Variants in ERG observed in about 807,000 individuals in gnomAD.
The protein encoded by ERG is transcriptional regulator ERG.
ERG carries 9 observed loss-of-function variants against 55.3 expected under a neutral mutation model. The ratio of observed to expected loss-of-function variants is 0.16; its 90% confidence interval spans 0.10 to 0.28. ERG has a LOEUF of 0.28. Ranked by LOEUF, ERG falls within the 10% of genes least tolerant of loss-of-function variation. The pLI, the probability that ERG is intolerant of heterozygous loss-of-function variation, is 1.00. For missense variants in ERG, 434 were observed against 631.6 expected, an observed-to-expected ratio of 0.69 and a Z score of 3.35; for synonymous variants, 223 against 237.3, an observed-to-expected ratio of 0.94 and a Z score of 0.55.
chr21:38,383,471 C>T lies in ERG; in HGVS notation c.1372G>A (p.Gly458Arg), dbSNP rs1281094910. The T allele has an allele frequency of 6.5e-7, 1 of 1,534,736 alleles. No individual in the cohort carries two copies. The highest frequency in any genetic ancestry group is 1.4e-5 in the African/African-American group (1 of 72,456). The change falls in exon 10 of 10, where the codon GGG becomes AGG. Residue 458 changes from glycine to arginine, a missense_variant. Gly to Arg is a moderately radical substitution (Grantham distance 125). This residue lies in a region of ERG where 107 missense variants were observed against 126.8 expected (regional missense o/e 0.84). Transcript: ENST00000288319. This position sits in a 1 kb window ranked among gnomAD's most constrained non-coding sequence, Gnocchi z 5.7. ...AGCCTAGTGTTGGGGTATATACCCC[C>T]AGTTGGTGAATTCCAGTATGGGTTT... ...APNPYWNSPT[G>R]GIYPNTRLPT...
At chr21:38,641,244 G>A (rs1379824180) in intron 1 of ERG, among the ~76,000 whole-genome samples, 4 of 152,152 alleles carry the variant, frequency 2.6e-5, no homozygotes, top group Non-Finnish European at 5.9e-5. Flanking sequence ...CTTCATGAAT[G>A]GGATCAATGC....
intron 1 of ERG, among the ~76,000 whole-genome samples, chr21:38,621,058 TA>T (rs1195271199): frequency 1.3e-5 from 2 of 152,202 alleles, no homozygotes; most frequent in Non-Finnish European, 2.9e-5. Flanking sequence ...AGACGTCAAG[TA>T]AAATTTTGGA....
intron 2 of ERG, among the ~76,000 whole-genome samples, chr21:38,443,098 C>A (rs1035760959): frequency 1.3e-5 from 2 of 152,212 alleles, no homozygotes; most frequent in African/African-American, 4.8e-5. Context: ...TGAGCCACTG[C>A]GCCCGGCCAG....
At chr21:38,425,651 C>T (rs184943856) in intron 2 of ERG, among the ~76,000 whole-genome samples, 17 of 152,326 alleles carry the variant, frequency 1.1e-4, no homozygotes, top group Admixed American at 9.1e-4. Context: ...TGGGAACCTT[C>T]GCTTTCTCTA....
intron 1 of ERG, among the ~76,000 whole-genome samples, chr21:38,620,455 G>C (rs1407201128): frequency 3.3e-5 from 5 of 152,146 alleles, no homozygotes; most frequent in Admixed American, 1.3e-4. Flanking sequence ...TTAGGAAGGA[G>C]CAATAGTGTA....
At chr21:38,558,338 G>A (rs977941664) in intron 2 of ERG, among the ~76,000 whole-genome samples, 1 of 152,140 alleles carries the variant, frequency 6.6e-6, no homozygotes, top group Admixed American at 6.5e-5. Context: ...AAACTGAATA[G>A]GAGATTAAAG....
At chr21:38,622,997 C>T (rs2060302763) in intron 1 of ERG, among the ~76,000 whole-genome samples, 1 of 138,348 alleles carries the variant, frequency 7.2e-6, no homozygotes, top group Non-Finnish European at 1.5e-5. Flanking sequence ...ATACACACCA[C>T]ACACACACAA....
At chr21:38,449,341 G>A (rs575018817) in intron 1 of ERG, among the ~76,000 whole-genome samples, 13 of 152,222 alleles carry the variant, frequency 8.5e-5, no homozygotes, top group East Asian at 1.9e-4. Context: ...AATAACTTAC[G>A]AGAAACACAT....
chr21:38,562,711 G>A (rs780330427), intron 2 of ERG, among the ~76,000 whole-genome samples: 5 of 152,148 alleles, frequency 3.3e-5, no homozygotes, highest in Non-Finnish European at 7.3e-5. Context: ...AGCAAGATAG[G>A]TGCAAAGAAA....
intron 1 of ERG, among the ~76,000 whole-genome samples, chr21:38,645,641 T>C (rs1327309165): frequency 6.6e-6 from 1 of 152,148 alleles, no homozygotes; most frequent in Non-Finnish European, 1.5e-5. Flanking sequence ...AAGAGACAAT[T>C]TGGAAAAACA....
chr21:38,642,001 G>A (rs2060428074), intron 1 of ERG, among the ~76,000 whole-genome samples: 1 of 152,174 alleles, frequency 6.6e-6, no homozygotes, highest in South Asian at 2.1e-4. Context: ...TTATAATATA[G>A]AAAACTAGAA....
intron 1 of ERG, among the ~76,000 whole-genome samples, chr21:38,623,457 G>A (rs1461640088): frequency 1.3e-5 from 2 of 152,126 alleles, no homozygotes; most frequent in African/African-American, 4.8e-5. Context: ...GGAGCAGACT[G>A]GCCAAATTTA....
At chr21:38,580,457 A>AACC (rs1337439116) in intron 1 of ERG, among the ~76,000 whole-genome samples, 2 of 152,200 alleles carry the variant, frequency 1.3e-5, no homozygotes, top group Non-Finnish European at 2.9e-5. Context: ...TCACTGTAGG[A>AACC]ACCTTTTTAT....
intron 1 of ERG, among the ~76,000 whole-genome samples, chr21:38,642,236 CAT>C (rs1297140312): frequency 3.9e-5 from 6 of 152,142 alleles, no homozygotes; most frequent in Non-Finnish European, 7.4e-5. Context: ...TGGGGAAAAA[CAT>C]GTGTATAAGA....
intron 1 of ERG, among the ~76,000 whole-genome samples, chr21:38,606,395 A>G (rs1035915728): frequency 2.4e-4 from 36 of 152,332 alleles, no homozygotes; most frequent in African/African-American, 7.7e-4. Context: ...AAATAAAACT[A>G]CTTTATAGAG....
chr21:38,657,231 C>T (rs1724021193), intron 1 of ERG, among the ~76,000 whole-genome samples: 1 of 152,174 alleles, frequency 6.6e-6, no homozygotes, highest in South Asian at 2.1e-4. Context: ...CATAATGAAA[C>T]TTCCTTTGCA....
chr21:38,487,999 C>T (rs1459504705), intron 1 of ERG, among the ~76,000 whole-genome samples: 1 of 152,150 alleles, frequency 6.6e-6, no homozygotes, highest in African/African-American at 2.4e-5. Context: ...CTCACCATGT[C>T]TGGCAGTCTC....
chr21:38,400,680 C>T, intron 5 of ERG, 35 bp from the exon 6 acceptor site: 1 of 1,538,054 alleles, frequency 6.5e-7, no homozygotes, highest in Non-Finnish European at 8.9e-7. Context: ...ATGTGAAGGT[C>T]TTTTGTTGTG....
chr21:38,576,203 A>C (rs574476813), intron 1 of ERG, among the ~76,000 whole-genome samples: 102 of 152,370 alleles, frequency 6.7e-4, no homozygotes, highest in African/African-American at 2.4e-3. Flanking sequence ...AGTAAACAGC[A>C]CAGCTACCAT....
Sources: allele counts gnomAD v4.1 joint callset (sites outside exome capture counted in the v4.1 genomes callset), GRCh38; gene constraint gnomAD v4.1.1; regional missense constraint gnomAD v4.1.1; non-coding constraint Gnocchi (gnomAD v3.1); transcripts MANE v1.5; gene names NCBI Gene and HGNC (gene_info 2026-07-23, HGNC 2026-07-21).